The following PTPRN2 variants were observed in gnomAD, a reference collection of about 807,000 sequenced individuals.
The protein encoded by PTPRN2 is protein tyrosine phosphatase receptor type N2.
In PTPRN2, 74 loss-of-function variants were observed where a neutral mutation model predicts 118.8. The observed-to-expected ratio is 0.62, with a 90% confidence interval of 0.52 to 0.76. The LOEUF (loss-of-function observed/expected upper bound fraction) is 0.76. Among genes scored for constraint, PTPRN2 ranks in the 30% least tolerant of loss-of-function variants. The pLI, the probability that PTPRN2 is intolerant of heterozygous loss-of-function variation, is 0.00. For synonymous variants in PTPRN2, 641 were observed against 608.0 expected (o/e 1.05, Z -0.80); for missense variants, 1,481 against 1,394.4 (o/e 1.06, Z -0.99).
intron 3 of PTPRN2, among the ~76,000 whole-genome samples, chr7:158,220,980 T>C (rs527509595): frequency 6.7e-6 from 1 of 150,284 alleles, no homozygotes; most frequent in African/African-American, 2.4e-5. Context: ...TATAAGGCCA[T>C]AGTAACCAAA....
intron 9 of PTPRN2, among the ~76,000 whole-genome samples, chr7:158,116,608 T>C (rs1187349693): frequency 1.3e-5 from 2 of 152,254 alleles, no homozygotes; most frequent in African/African-American, 4.8e-5. Flanking sequence ...TGCTGATTGC[T>C]GCTTCTCATC....
Position 158,555,617 on chromosome 7 carries a change from C to T in PTPRN2, c.112+31941G>A, listed in dbSNP as rs1826924847. On this transcript the variant is annotated intron_variant, in intron 1 of 22. Coordinates refer to ENST00000389418, the MANE Select transcript of PTPRN2 (RefSeq NM_002847.5). The surrounding 1 kb of genome is among the most constrained non-coding windows in gnomAD (Gnocchi z 4.7). ...TCCAGCTGTCCCCCAGACCCAGCCTCCCTCAGCTCCCATGGCAGGGTTAGG... is the reference window on the plus strand; with the variant it reads ...TCCAGCTGTCCCCCAGACCCAGCCTTCCTCAGCTCCCATGGCAGGGTTAGG... 6.6e-6 allele frequency among the ~76,000 whole-genome samples: 1 copy of T among 152,222 alleles called. No homozygotes were observed. The highest frequency in any genetic ancestry group is 1.5e-5 in the Non-Finnish European group (1 of 68,046).
At chr7:158,188,360 CCT>C (rs1491572268) in intron 5 of PTPRN2, among the ~76,000 whole-genome samples, 6 of 40,588 alleles carry the variant, frequency 1.5e-4, no homozygotes, top group African/African-American at 1.7e-4. Context: ...ACGCTCGCCG[CCT>C]GATGGGGAAG....
chr7:157,636,037 A>T (rs561669887), intron 14 of PTPRN2, among the ~76,000 whole-genome samples: 4 of 152,252 alleles, frequency 2.6e-5, no homozygotes, highest in Non-Finnish European at 5.9e-5. Flanking sequence ...TCTTTCCACT[A>T]AAACATTTTC....
At chr7:157,918,957 C>T (rs917140368) in intron 11 of PTPRN2, among the ~76,000 whole-genome samples, 1 of 152,194 alleles carries the variant, frequency 6.6e-6, no homozygotes, top group African/African-American at 2.4e-5. Context: ...GAGGTGCGGA[C>T]TTTAAATGCC....
At position 158,015,483 on chromosome 7, in the gene PTPRN2, G is replaced by C. The variant is rs924180664; in HGVS notation, c.1723+65815C>G. ...AGAGAGAGAGAGAGGAAGAGAGGGA[G>C]AGAGGGAGAGAGGGAGATAGAGGGA... On this transcript the variant is annotated intron_variant, in intron 11 of 22. Coordinates refer to ENST00000389418, the MANE Select transcript of PTPRN2 (RefSeq NM_002847.5). This position sits in a 1 kb window ranked among gnomAD's most constrained non-coding sequence, Gnocchi z 4.2. 6.6e-6 allele frequency among the ~76,000 whole-genome samples: 1 copy of C among 151,652 alleles called. No individual in the cohort carries two copies. The highest frequency in any genetic ancestry group is 1.5e-5 in the Non-Finnish European group (1 of 67,952).
chr7:158,302,924 G>A (rs998416336), intron 3 of PTPRN2, among the ~76,000 whole-genome samples: 2 of 152,216 alleles, frequency 1.3e-5, no homozygotes, highest in African/African-American at 4.8e-5. Flanking sequence ...GGGAGGCAGA[G>A]ATGAGAATCC....
At chr7:158,388,321 A>T (rs1481576253) in intron 2 of PTPRN2, among the ~76,000 whole-genome samples, 1 of 150,960 alleles carries the variant, frequency 6.6e-6, no homozygotes, top group Non-Finnish European at 1.5e-5. Flanking sequence ...CCGCAAGACC[A>T]CCCCCCCATG....
intron 2 of PTPRN2, among the ~76,000 whole-genome samples, chr7:158,453,691 T>G (rs1221364842): frequency 6.6e-6 from 1 of 152,302 alleles, no homozygotes; most frequent in African/African-American, 2.4e-5. Context: ...GAACCATATA[T>G]ATGCATTACT....
At chr7:158,533,889 G>A (rs189365627) in intron 1 of PTPRN2, among the ~76,000 whole-genome samples, 197 of 152,320 alleles carry the variant, frequency 1.3e-3, no homozygotes, top group Non-Finnish European at 2.4e-3. Context: ...CAGGCCCTCC[G>A]TGCCGCCGTC....
intron 11 of PTPRN2, among the ~76,000 whole-genome samples, chr7:158,071,569 TG>T (rs1161006526): frequency 0.015 from 411 of 27,740 alleles, 24 homozygotes; most frequent in Non-Finnish European, 0.027. Context: ...GAGGTGCTCC[TG>T]GTGGAGGTGC....
At chr7:157,870,850 CG>C (rs1399062112) in intron 12 of PTPRN2, among the ~76,000 whole-genome samples, 1 of 152,218 alleles carries the variant, frequency 6.6e-6, no homozygotes, top group Non-Finnish European at 1.5e-5. Context: ...ACCTGGGTTG[CG>C]TAAGGGGCTG....
At chr7:158,138,218 G>A (rs1819017171) in intron 7 of PTPRN2, 76 bp downstream of exon 7, 1 of 1,306,212 alleles carries the variant, frequency 7.7e-7, no homozygotes. Flanking sequence ...TGGTGAGCCA[G>A]CAGTCTCTGC....
chr7:157,961,534 A>C (rs1218366848), intron 11 of PTPRN2, among the ~76,000 whole-genome samples: 1 of 63,916 alleles, frequency 1.6e-5, no homozygotes. Context: ...CTCTGTCTCA[A>C]AAAAAAAAAA....
chr7:158,541,060 T>C (rs943819896), intron 1 of PTPRN2, among the ~76,000 whole-genome samples: 7 of 152,202 alleles, frequency 4.6e-5, no homozygotes, highest in African/African-American at 1.2e-4. Context: ...CAGGTGCTAA[T>C]TGGCAATGCT....
At chr7:157,913,490 G>C (rs1386028475) in intron 11 of PTPRN2, among the ~76,000 whole-genome samples, 2 of 152,188 alleles carry the variant, frequency 1.3e-5, no homozygotes, top group Non-Finnish European at 2.9e-5. Context: ...TGGTGTTCAA[G>C]AGAATATTTC....
intron 2 of PTPRN2, among the ~76,000 whole-genome samples, chr7:158,447,662 C>T (rs994128070): frequency 2.6e-5 from 4 of 152,264 alleles, no homozygotes; most frequent in Non-Finnish European, 4.4e-5. Context: ...TCCTGCCAGG[C>T]CCCTGGAAAG....
intron 12 of PTPRN2, among the ~76,000 whole-genome samples, chr7:157,817,009 C>T (rs1049225853): frequency 5.3e-5 from 8 of 152,334 alleles, no homozygotes; most frequent in East Asian, 1.9e-4. Flanking sequence ...CGGCCAGTCT[C>T]GGGCCATTTG....
At chr7:158,013,657 ATCTG>A (rs1275247688) in intron 11 of PTPRN2, among the ~76,000 whole-genome samples, 47 of 151,916 alleles carry the variant, frequency 3.1e-4, no homozygotes, top group African/African-American at 9.2e-4. Flanking sequence ...ATCATTCATC[ATCTG>A]TCTATTTACC....
Sources: gnomAD v4.1 joint callset for allele counts (sites outside exome capture counted in the v4.1 genomes callset) on GRCh38, gnomAD v4.1.1 for gene constraint, Gnocchi (gnomAD v3.1) non-coding constraint, MANE v1.5 for transcripts, NCBI Gene and HGNC (gene_info 2026-07-23, HGNC 2026-07-21) for gene names.